The following POU3F1 variants were observed in gnomAD, a reference collection of about 807,000 sequenced individuals.
The protein encoded by POU3F1 is POU domain, class 3, transcription factor 1.
POU3F1 carries 1 observed loss-of-function variant against 7.6 expected under a neutral mutation model. That is an observed-to-expected ratio of 0.13 (90% confidence interval 0.05 to 0.62). POU3F1 has a LOEUF of 0.62. Ranked by LOEUF, POU3F1 falls within the 20% of genes least tolerant of loss-of-function variation. The probability of loss-of-function intolerance (pLI) is 0.87; values close to 1 mark genes in which losing one functional copy is unlikely to be tolerated. For missense variants in POU3F1, 505 were observed against 679.3 expected, an observed-to-expected ratio of 0.74 and a Z score of 2.85; for synonymous variants, 354 against 339.0, an observed-to-expected ratio of 1.04 and a Z score of -0.49.
At position 38,045,891 on chromosome 1, in the gene POU3F1, C is replaced by G. The variant is rs1365530368; in HGVS notation, c.853G>C (p.Gly285Arg). The stretch of plus-strand genomic sequence containing the variant: ...ATGGTGGTCTGCGAGAACACGTTAC[C>G]GTAGAGCGTGCCCAGCGCCAGCCCC... ...DVGLALGTLYGNVFSQTTICR... is the reference protein window; with the variant it reads ...DVGLALGTLYRNVFSQTTICR... Residue 285 changes from glycine (G) to arginine (R), a missense_variant, in exon 1 of 1, where the codon GGT (glycine) becomes CGT (arginine). By Grantham distance (125) the Gly-to-Arg change is moderately radical. Coordinates refer to ENST00000373012, the MANE Select transcript of POU3F1 (RefSeq NM_002699.4). This position sits in a 1 kb window ranked among gnomAD's most constrained non-coding sequence, Gnocchi z 9.4. 1 of 1,613,844 alleles carries G rather than the reference C, an allele frequency of 6.2e-7. No homozygotes were observed. Among genetic ancestry groups the G allele is most frequent in the Non-Finnish European group, 8.5e-7 (1 of 1,180,004 alleles).
chr1:38,046,406 T>A lies in POU3F1; in HGVS notation c.338A>T (p.His113Leu). Residue 113 changes from histidine (H) to leucine (L), a missense_variant, in exon 1 of 1, where the codon CAC (histidine) becomes CTC (leucine). His to Leu is a moderately conservative substitution (Grantham distance 99). Around this residue, in one of 5 missense-constraint regions of POU3F1, gnomAD observed 361 missense variants for 382.1 expected, o/e 0.94. Transcript: ENST00000373012. This position sits in a 1 kb window ranked among gnomAD's most constrained non-coding sequence, Gnocchi z 9.5. ...CGCCCCCTGGTGCACCAGGCGCGCG[T>A]GGAAACCTCCGCCGCCGCCGCCGTC... is the stretch of plus-strand genomic sequence containing the variant. The part of the protein sequence containing the change: ...ADDGGGGGGF[H>L]ARLVHQGAAH... The A allele has an allele frequency of 7.9e-7, 1 of 1,262,812 alleles. No homozygotes were observed. The highest frequency in any genetic ancestry group is 2.5e-5 in the South Asian group (1 of 40,068). The allele number at this position is 1,262,812 out of a possible 1,614,324, so 78.2% of individuals were successfully genotyped here.
At position 38,045,547 on chromosome 1, in the gene POU3F1, A is replaced by G. The variant is rs750907337; in HGVS notation, c.1197T>C (p.Pro399=). Residue 399 remains proline (P), a synonymous_variant, in exon 1 of 1, where the codon CCT becomes CCC. Transcript: ENST00000373012. This position sits in a 1 kb window ranked among gnomAD's most constrained non-coding sequence, Gnocchi z 9.4. ...TGGGCGGGTGGCCCGCGCCGGCCGC[A>G]GGGGTCATGCGCTTCTCCTTCTGCC... is the stretch of plus-strand genomic sequence containing the variant. ...NRRQKEKRMT[P]AAGAGHPPMD... The G allele has an allele frequency of 6.9e-6, 11 of 1,603,794 alleles. No individual in the cohort carries two copies. The highest frequency in any genetic ancestry group is 9.4e-6 in the Non-Finnish European group (11 of 1,175,456).
rs1230319483 is a variant in POU3F1, at chr1:38,046,355, T to C, written c.389A>G (p.Gln130Arg). 8.3e-7 allele frequency: 1 copy of C among 1,211,656 alleles called. No individual in the cohort carries two copies. Among genetic ancestry groups the C allele is most frequent in the South Asian group, 3.3e-5 (1 of 30,096 alleles). The allele number at this position is 1,211,656 out of a possible 1,614,324, so 75.1% of individuals were successfully genotyped here. ...GAAHAGAAWA[Q>R]GSTAHHLGPA... ...GCCCAAGTGGTGCGCTGTGCTGCCC[T>C]GCGCCCATGCCGCGCCCGCGTGGGC... The change falls in exon 1 of 1, where the codon CAG becomes CGG. Residue 130 changes from glutamine (Q) to arginine (R), a missense_variant. Coordinates refer to ENST00000373012, the MANE Select transcript of POU3F1 (RefSeq NM_002699.4). This position sits in a 1 kb window ranked among gnomAD's most constrained non-coding sequence, Gnocchi z 9.5.
In POU3F1 at chr1:38,046,124, T is replaced by TGCGGCG. The variant is rs769599642; in HGVS notation, c.614_619dup (p.Pro205_Pro206dup). The TGCGGCG allele has an allele frequency of 7.8e-7, 1 of 1,282,368 alleles. No individual in the cohort carries two copies. The highest frequency in any genetic ancestry group is 1.0e-6 in the Non-Finnish European group (1 of 1,003,982). 79.4% of individuals were successfully genotyped at this position (1,282,368 alleles called of 1,614,324 possible). ...GTGTGCGTGTCCGTGGGCGCCCAGATGCGGCGGCGGCGACGGCTCCAGCTG... is the reference window on the plus strand; with the variant it reads ...GTGTGCGTGTCCGTGGGCGCCCAGATGCGGCGGCGGCGGCGGCGACGGCTCCAGCTG... On this transcript the variant is annotated inframe_insertion, in exon 1 of 1. Transcript: ENST00000373012. This position sits in a 1 kb window ranked among gnomAD's most constrained non-coding sequence, Gnocchi z 9.5.
Position 38,046,660 on chromosome 1 carries a change from C to T in POU3F1, c.84G>A (p.Ala28=). 7.8e-7 allele frequency: 1 copy of T among 1,281,058 alleles called. No individual in the cohort carries two copies. The highest frequency in any genetic ancestry group is 9.9e-7 in the Non-Finnish European group (1 of 1,011,650). 79.4% of individuals were successfully genotyped at this position (1,281,058 alleles called of 1,614,324 possible). Residue 28 remains alanine (A), a synonymous_variant, in exon 1 of 1, where the codon GCG becomes GCA. Coordinates refer to ENST00000373012, the MANE Select transcript of POU3F1 (RefSeq NM_002699.4). This position sits in a 1 kb window ranked among gnomAD's most constrained non-coding sequence, Gnocchi z 9.5. ...CGGCCGCCGCCGCCGCCGCCGCCGC[C>T]GCGGCGTCCGGGTGCATAAGCGGCC... ...GTGPLMHPDA[A]AAAAAAAAAE...
Position 38,046,639 on chromosome 1 carries a change from C to T in POU3F1, c.105G>A (p.Ala35=). 8.6e-7 allele frequency: 1 copy of T among 1,161,602 alleles called. No homozygotes were observed. 72.0% of individuals were successfully genotyped at this position (1,161,602 alleles called of 1,614,324 possible). Reference sequence around the variant, plus strand: ...CCCCTGCATGCAATCGCTCCGCGGCCGCCGCCGCCGCCGCCGCCGCCGCGG... The same window carrying T: ...CCCCTGCATGCAATCGCTCCGCGGCTGCCGCCGCCGCCGCCGCCGCCGCGG... The part of the protein sequence containing the change: ...PDAAAAAAAA[A]AAERLHAGAA... Residue 35 remains alanine (A), a synonymous_variant, in exon 1 of 1, where the codon GCG becomes GCA. Transcript: ENST00000373012. This position sits in a 1 kb window ranked among gnomAD's most constrained non-coding sequence, Gnocchi z 9.5.
In POU3F1 at chr1:38,045,254, T is replaced by C. The variant is rs1646851553; in HGVS notation, c.*134A>G. On this transcript the variant is annotated 3_prime_UTR_variant, in exon 1 of 1. Coordinates refer to ENST00000373012, the MANE Select transcript of POU3F1 (RefSeq NM_002699.4). The surrounding 1 kb of genome is among the most constrained non-coding windows in gnomAD (Gnocchi z 9.4). ...CGGAGAGGGTCGTCCGGGTGTTTGG[T>C]TTTGTTCGAAAGTTTCTGGGCTTTT... 2 of 286,578 alleles carry C rather than the reference T, an allele frequency of 7.0e-6. No individual in the cohort carries two copies. Among genetic ancestry groups the C allele is most frequent in the Non-Finnish European group, 1.1e-5 (2 of 185,224 alleles). The allele number at this position is 286,578 out of a possible 1,614,324, so 17.8% of individuals were successfully genotyped here.
rs1476464020 is a variant in POU3F1, at chr1:38,046,646, G to T, written c.98C>A (p.Ala33Glu). Residue 33 changes from alanine (A) to glutamate (E), a missense_variant, in exon 1 of 1, where the codon GCG (alanine) becomes GAG (glutamate). Transcript: ENST00000373012. This position sits in a 1 kb window ranked among gnomAD's most constrained non-coding sequence, Gnocchi z 9.5. ...ATGCAATCGCTCCGCGGCCGCCGCCGCCGCCGCCGCCGCCGCGGCGTCCGG... is the reference window on the plus strand; with the variant it reads ...ATGCAATCGCTCCGCGGCCGCCGCCTCCGCCGCCGCCGCCGCGGCGTCCGG... The part of the protein sequence containing the change: ...MHPDAAAAAA[A>E]AAAAERLHAG... 2 of 1,302,912 alleles carry T rather than the reference G, an allele frequency of 1.5e-6. No individual in the cohort carries two copies. The highest frequency in any genetic ancestry group is 2.0e-6 in the Non-Finnish European group (2 of 1,023,274). 80.7% of individuals were successfully genotyped at this position (1,302,912 alleles called of 1,614,324 possible).
In POU3F1 at chr1:38,046,592, T is replaced by G; in HGVS notation, c.152A>C (p.Lys51Thr). 7.2e-7 allele frequency: 1 copy of G among 1,381,306 alleles called. No homozygotes were observed. The highest frequency in any genetic ancestry group is 9.4e-7 in the Non-Finnish European group (1 of 1,062,526). 85.6% of individuals were successfully genotyped at this position (1,381,306 alleles called of 1,614,324 possible). A position where few individuals can be genotyped will look rare whatever the true frequency, so the allele number is the denominator to read the frequency against. The change falls in exon 1 of 1, where the codon AAG (lysine) becomes ACG (threonine). Residue 51 changes from lysine (K) to threonine (T), a missense_variant. Coordinates refer to ENST00000373012, the MANE Select transcript of POU3F1 (RefSeq NM_002699.4). The surrounding 1 kb of genome is among the most constrained non-coding windows in gnomAD (Gnocchi z 9.5). ...HAGAAYREVQ[K>T]LMHHEWLGAG... ...GCCCAGCCACTCGTGGTGCATCAGCTTCTGCACTTCGCGGTACGCGGCCCC... is the reference window on the plus strand; with the variant it reads ...GCCCAGCCACTCGTGGTGCATCAGCGTCTGCACTTCGCGGTACGCGGCCCC...
chr1:38,045,191 C>CG lies in POU3F1; in HGVS notation c.*196dup, dbSNP rs1646851209. The CG allele has an allele frequency of 5.8e-6, 1 of 173,340 alleles. No homozygotes were observed. The allele number at this position is 173,340 out of a possible 1,614,324, so 10.7% of individuals were successfully genotyped here. The stretch of plus-strand genomic sequence containing the variant: ...ATCTTCGCTCCTCTCTCCCGGGGCT[C>CG]GGGCGACGCAGCCTACCGGGCTGTC... On this transcript the variant is annotated 3_prime_UTR_variant, in exon 1 of 1. Transcript: ENST00000373012. This position sits in a 1 kb window ranked among gnomAD's most constrained non-coding sequence, Gnocchi z 9.4.
chr1:38,046,548 CG>C lies in POU3F1; in HGVS notation c.195del (p.Val66TrpfsTer3). 2.2e-6 allele frequency: 3 copies of C among 1,368,162 alleles called. No individual in the cohort carries two copies. The highest frequency in any genetic ancestry group is 1.6e-5 in the South Asian group (1 of 63,426). The allele number at this position is 1,368,162 out of a possible 1,614,324, so 84.8% of individuals were successfully genotyped here. A position where few individuals can be genotyped will look rare whatever the true frequency, so the allele number is the denominator to read the frequency against. On this transcript the variant is annotated frameshift_variant, in exon 1 of 1. Transcript: ENST00000373012. LOFTEE classifies it low-confidence loss of function (END_TRUNC). This position sits in a 1 kb window ranked among gnomAD's most constrained non-coding sequence, Gnocchi z 9.5. ...AGCCACTGGGGGTGCGCTAGGCCCACGGGGTGGCCCGCGCCCGCGCCCAGCC... is the reference window on the plus strand; with the variant it reads ...AGCCACTGGGGGTGCGCTAGGCCCACGGGTGGCCCGCGCCCGCGCCCAGCC... Reference protein sequence around the residue: ...HEWLGAGAGHPVGLAHPQWLP... With the variant: ...HEWLGAGAGHXVGLAHPQWLP...
Position 38,045,478 on chromosome 1 carries a change from G to A in POU3F1, c.1266C>T (p.Gly422=). ...YAPGELGPGG[G]GASPPSAPPP... is the part of the protein sequence containing the mutation. ...GGGGCGCGGAGGGTGGCGATGCGCC[G>A]CCCCCGCCAGGCCCTAGCTCCCCAG... Residue 422 remains glycine (G), a synonymous_variant, in exon 1 of 1, where the codon GGC becomes GGT. Coordinates refer to ENST00000373012, the MANE Select transcript of POU3F1 (RefSeq NM_002699.4). The surrounding 1 kb of genome is among the most constrained non-coding windows in gnomAD (Gnocchi z 9.4). 3 of 1,474,988 alleles carry A rather than the reference G, an allele frequency of 2.0e-6. No homozygotes were observed. The highest frequency in any genetic ancestry group is 1.4e-5 in the South Asian group (1 of 72,192). 91.4% of individuals were successfully genotyped at this position (1,474,988 alleles called of 1,614,324 possible).
Position 38,044,946 on chromosome 1 carries a change from C to T in POU3F1, c.*442G>A, listed in dbSNP as rs914441003. ...GCCCCCCACCCTGGACCCGCAGGCT[C>T]AGGAGTCCACGCGGGGAGAGGGGAT... On this transcript the variant is annotated 3_prime_UTR_variant, in exon 1 of 1. Transcript: ENST00000373012. 3 of 152,224 alleles carry T rather than the reference C, an allele frequency of 2.0e-5. No homozygotes were observed. The highest frequency in any genetic ancestry group is 6.5e-5 in the Admixed American group (1 of 15,288). The allele number at this position is 152,224 out of a possible 1,614,324, so 9.4% of individuals were successfully genotyped here. A position where few individuals can be genotyped will look rare whatever the true frequency, so the allele number is the denominator to read the frequency against.
rs1646866343 is a variant in POU3F1, at chr1:38,046,769, G to GCCGCCGCCGCTCCGCTCCGTCTGCGGGCC, written c.-27_-26insGGCCCGCAGACGGAGCGGAGCGGCGGCGG. ...GCCGCCCCGCGCCCTGCGCCGCGCC[G>GCCGCCGCCGCTCCGCTCCGTCTGCGGGCC]CCGCCGCCGCTCCGCTCCGTCTGCG... On this transcript the variant is annotated 5_prime_UTR_variant, in exon 1 of 1. Coordinates refer to ENST00000373012, the MANE Select transcript of POU3F1 (RefSeq NM_002699.4). This position sits in a 1 kb window ranked among gnomAD's most constrained non-coding sequence, Gnocchi z 9.5. The GCCGCCGCCGCTCCGCTCCGTCTGCGGGCC allele has an allele frequency of 1.0e-6, 1 of 985,010 alleles. No homozygotes were observed. The allele number at this position is 985,010 out of a possible 1,614,324, so 61.0% of individuals were successfully genotyped here.
In POU3F1 at chr1:38,045,997, C is replaced by T; in HGVS notation, c.747G>A (p.Ala249=). The T allele has an allele frequency of 6.2e-7, 1 of 1,610,496 alleles. No homozygotes were observed. The highest frequency in any genetic ancestry group is 8.5e-7 in the Non-Finnish European group (1 of 1,179,438). Residue 249 remains alanine, a synonymous_variant, in exon 1 of 1, where the codon GCG becomes GCA. Coordinates refer to ENST00000373012, the MANE Select transcript of POU3F1 (RefSeq NM_002699.4). This position sits in a 1 kb window ranked among gnomAD's most constrained non-coding sequence, Gnocchi z 9.4. The stretch of plus-strand genomic sequence containing the variant: ...ACTGCTCCAGGTCGTCCGAGCTGGG[C>T]GCATCCTCGTCCGAGTGCTCGCCCA... ...SSVGEHSDED[A]PSSDDLEQFA...
In POU3F1 at chr1:38,046,156, G is replaced by C. The variant is rs1276750690; in HGVS notation, c.588C>G (p.His196Gln). 7 of 1,385,730 alleles carry C rather than the reference G, an allele frequency of 5.1e-6. No homozygotes were observed. Among genetic ancestry groups the C allele is most frequent in the Non-Finnish European group, 6.5e-6 (7 of 1,070,610 alleles). The allele number at this position is 1,385,730 out of a possible 1,614,324, so 85.8% of individuals were successfully genotyped here. ...GLHHALHEDG[H>Q]EAQLEPSPPP... ...GCGGCGACGGCTCCAGCTGCGCCTC[G>C]TGGCCATCCTCGTGCAGCGCGTGGT... is the stretch of plus-strand genomic sequence containing the variant. The change falls in exon 1 of 1, where the codon CAC becomes CAG. Residue 196 changes from histidine (H) to glutamine (Q), a missense_variant. Around this residue, in one of 5 missense-constraint regions of POU3F1, gnomAD observed 361 missense variants for 382.1 expected, o/e 0.94. Transcript: ENST00000373012. The surrounding 1 kb of genome is among the most constrained non-coding windows in gnomAD (Gnocchi z 9.5).
Position 38,046,168 on chromosome 1 carries a change from G to C in POU3F1, c.576C>G (p.His192Gln). 7.4e-7 allele frequency: 1 copy of C among 1,359,854 alleles called. No homozygotes were observed. Among genetic ancestry groups the C allele is most frequent in the East Asian group, 3.5e-5 (1 of 28,636 alleles). The allele number at this position is 1,359,854 out of a possible 1,614,324, so 84.2% of individuals were successfully genotyped here. A position where few individuals can be genotyped will look rare whatever the true frequency, so the allele number is the denominator to read the frequency against. ...GAGPGLHHAL[H>Q]EDGHEAQLEP... is the part of the protein sequence containing the mutation. ...CCAGCTGCGCCTCGTGGCCATCCTC[G>C]TGCAGCGCGTGGTGCAGGCCCGGCC... The change falls in exon 1 of 1, where the codon CAC (histidine) becomes CAG (glutamine). Residue 192 changes from histidine to glutamine, a missense_variant. Around this residue, in one of 5 missense-constraint regions of POU3F1, gnomAD observed 361 missense variants for 382.1 expected, o/e 0.94. Coordinates refer to ENST00000373012, the MANE Select transcript of POU3F1 (RefSeq NM_002699.4). The surrounding 1 kb of genome is among the most constrained non-coding windows in gnomAD (Gnocchi z 9.5).
In POU3F1 at chr1:38,045,377, G is replaced by A. The variant is rs1646854014; in HGVS notation, c.*11C>T. Reference sequence around the variant, plus strand: ...CCCTGCAGCGCGCCGGCGGGGGCCCGGCCCGCGGGGTCACTGCACTGAGCC... The same window carrying A: ...CCCTGCAGCGCGCCGGCGGGGGCCCAGCCCGCGGGGTCACTGCACTGAGCC... On this transcript the variant is annotated 3_prime_UTR_variant, in exon 1 of 1. Coordinates refer to ENST00000373012, the MANE Select transcript of POU3F1 (RefSeq NM_002699.4). The surrounding 1 kb of genome is among the most constrained non-coding windows in gnomAD (Gnocchi z 9.4). The A allele has an allele frequency of 8.4e-7, 1 of 1,190,900 alleles. No homozygotes were observed. The highest frequency in any genetic ancestry group is 1.0e-6 in the Non-Finnish European group (1 of 959,262). 73.8% of individuals were successfully genotyped at this position (1,190,900 alleles called of 1,614,324 possible). A position where few individuals can be genotyped will look rare whatever the true frequency, so the allele number is the denominator to read the frequency against.
chr1:38,046,651 C>A lies in POU3F1; in HGVS notation c.93G>T (p.Ala31=). ...PLMHPDAAAA[A]AAAAAAERLH... ...ATCGCTCCGCGGCCGCCGCCGCCGC[C>A]GCCGCCGCCGCGGCGTCCGGGTGCA... The change falls in exon 1 of 1, where the codon GCG becomes GCT. Residue 31 remains alanine, a synonymous_variant. Coordinates refer to ENST00000373012, the MANE Select transcript of POU3F1 (RefSeq NM_002699.4). This position sits in a 1 kb window ranked among gnomAD's most constrained non-coding sequence, Gnocchi z 9.5. 7.7e-7 allele frequency: 1 copy of A among 1,305,824 alleles called. No individual in the cohort carries two copies. The highest frequency in any genetic ancestry group is 1.9e-5 in the South Asian group (1 of 51,954). 80.9% of individuals were successfully genotyped at this position (1,305,824 alleles called of 1,614,324 possible).
Sources: allele counts gnomAD v4.1 joint callset, GRCh38; gene constraint gnomAD v4.1.1; regional missense constraint gnomAD v4.1.1; non-coding constraint Gnocchi (gnomAD v3.1); transcripts MANE v1.5; gene names NCBI Gene and HGNC (gene_info 2026-07-23, HGNC 2026-07-21).